Variants in LGALS12 observed in about 807,000 individuals in gnomAD.
The protein encoded by LGALS12 is galectin-12.
LGALS12 carries 36 observed loss-of-function variants against 36.8 expected under a neutral mutation model. The observed-to-expected ratio is 0.98, with a 90% confidence interval of 0.75 to 1.29. The LOEUF (loss-of-function observed/expected upper bound fraction) is 1.29, where lower values mean the gene tolerates loss of function less well. LGALS12 is among the 50% of genes most tolerant of loss of function. The pLI is 0.00. For missense variants in LGALS12, 366 were observed against 394.3 expected (o/e 0.93, Z 0.61); for synonymous variants, 145 against 155.9 (o/e 0.93, Z 0.52).
chr11:63,508,140 A>G, intron 1 of LGALS12: 1 of 1,052,136 alleles, frequency 9.5e-7, no homozygotes, highest in South Asian at 3.2e-5. Flanking sequence ...TAACTTGTCC[A>G]TTCTTCTTGC....
chr11:63,508,909 G>C lies in LGALS12; in HGVS notation c.290G>C (p.Arg97Thr). 6.2e-7 allele frequency: 1 copy of C among 1,614,258 alleles called. No individual in the cohort carries two copies. The highest frequency in any genetic ancestry group is 8.5e-7 in the Non-Finnish European group (1 of 1,180,046). Residue 97 changes from arginine to threonine, a missense_variant, in exon 3 of 9, where the codon AGG becomes ACG. Transcript: ENST00000394618. ...ACCCTGCATGGTGGACGCTGGCAAAGGGAGGCCCGGTGGCCCCACCTGGCC... is the reference window on the plus strand; with the variant it reads ...ACCCTGCATGGTGGACGCTGGCAAACGGAGGCCCGGTGGCCCCACCTGGCC... ...CNTLHGGRWQ[R>T]EARWPHLALR... is the part of the protein sequence containing the mutation.
At chr11:63,509,932 C>T (rs780724009) in intron 4 of LGALS12, 35 bp downstream of exon 4, 23 of 1,603,706 alleles carry the variant, frequency 1.4e-5, no homozygotes, top group Admixed American at 8.5e-5. Context: ...TGGGCAGTGG[C>T]AGCCTCTAAT....
At chr11:63,511,642 A>G (rs1206485106) in intron 6 of LGALS12, 110 bp from the exon 7 acceptor site, 2 of 717,126 alleles carry the variant, frequency 2.8e-6, no homozygotes, top group African/African-American at 3.5e-5. Flanking sequence ...TCCTGGCGGC[A>G]GGCCTGGGCA....
At chr11:63,508,493 C>T in intron 1 of LGALS12, 60 bp from the exon 2 acceptor site, 1 of 1,607,110 alleles carries the variant, frequency 6.2e-7, no homozygotes, top group Non-Finnish European at 8.5e-7. Flanking sequence ...ACTCGCCTGA[C>T]ATAGAGGTCC....
chr11:63,511,266 C>T (rs554923639), intron 6 of LGALS12, among the ~76,000 whole-genome samples, 161 bp downstream of exon 6: 5 of 152,232 alleles, frequency 3.3e-5, no homozygotes, highest in East Asian at 1.9e-4. Context: ...TGCCCCCAGC[C>T]GCATGATTTC....
At chr11:63,509,074 A>C (rs2016838230) in intron 3 of LGALS12, 83 bp downstream of exon 3, 1 of 1,091,578 alleles carries the variant, frequency 9.2e-7, no homozygotes, top group Admixed American at 2.0e-5. Context: ...CCCACGACAC[A>C]ATGTTGAGTG....
At chr11:63,515,929 G>T (rs191212872) in intron 8 of LGALS12, among the ~76,000 whole-genome samples, 13 of 152,208 alleles carry the variant, frequency 8.5e-5, no homozygotes, top group East Asian at 3.9e-4. Flanking sequence ...ATGCAGGTGG[G>T]GGGGGGCCCA....
At chr11:63,509,750 A>G (rs770868556) in intron 3 of LGALS12, 28 bp from the exon 4 acceptor site, 1 of 1,612,176 alleles carries the variant, frequency 6.2e-7, no homozygotes, top group East Asian at 2.2e-5. Flanking sequence ...TTAGCTGCTG[A>G]TAAGCCAGCC....
rs2017089279 is a variant in LGALS12, at chr11:63,516,500, C to T, written c.*107C>T. 2 of 1,300,664 alleles carry T rather than the reference C, an allele frequency of 1.5e-6. No individual in the cohort carries two copies. The highest frequency in any genetic ancestry group is 2.2e-6 in the Non-Finnish European group (2 of 918,976). 80.6% of individuals were successfully genotyped at this position (1,300,664 alleles called of 1,614,324 possible). ...ATCCACCTGACACCAGCACATCAGGCCTGGTTCACCTCTGGGGTCACGAGA... is the reference window on the plus strand; with the variant it reads ...ATCCACCTGACACCAGCACATCAGGTCTGGTTCACCTCTGGGGTCACGAGA... On this transcript the variant is annotated 3_prime_UTR_variant, in exon 9 of 9. Coordinates refer to ENST00000394618, the MANE Select transcript of LGALS12 (RefSeq NM_033101.4).
intron 1 of LGALS12, among the ~76,000 whole-genome samples, chr11:63,507,803 C>T (rs2016788319): frequency 1.5e-5 from 2 of 134,710 alleles, no homozygotes; most frequent in Admixed American, 8.4e-5. Flanking sequence ...GGCATGATCT[C>T]AGCTCACTGC....
chr11:63,516,223 C>T (rs538375494), intron 8 of LGALS12, 24 bp from the exon 9 acceptor site: 22 of 1,533,222 alleles, frequency 1.4e-5, no homozygotes, highest in East Asian at 2.3e-5. Flanking sequence ...GAAGCTGCAA[C>T]CCCCTCATGT....
intron 4 of LGALS12, 135 bp downstream of exon 4, chr11:63,510,032 GA>G: frequency 1.8e-6 from 2 of 1,107,132 alleles, no homozygotes; most frequent in Non-Finnish European, 1.3e-6. Context: ...AGCCAAGGGG[GA>G]GGGAGTCCAC....
At chr11:63,507,359 G>A (rs1000778653) in intron 1 of LGALS12, among the ~76,000 whole-genome samples, 1 of 152,164 alleles carries the variant, frequency 6.6e-6, no homozygotes, top group Non-Finnish European at 1.5e-5. Context: ...AGCAACACAG[G>A]AAGGCCAATC....
At position 63,511,820 on chromosome 11, in the gene LGALS12, G is replaced by A. The variant is rs752658559; in HGVS notation, c.627G>A (p.Leu209=). 6.2e-7 allele frequency: 1 copy of A among 1,613,342 alleles called. No individual in the cohort carries two copies. Among genetic ancestry groups the A allele is most frequent in the Non-Finnish European group, 8.5e-7 (1 of 1,179,524 alleles). ...GGCAGGTCATCATAGTACGGGGACT[G>A]GTCTTGCAAGAGCCGAAGCAGTAAG... ...SPGQVIIVRG[L]VLQEPKHFTV... is the part of the protein sequence containing the mutation. The change falls in exon 7 of 9, where the codon CTG becomes CTA. Residue 209 remains leucine (L), a synonymous_variant. Coordinates refer to ENST00000394618, the MANE Select transcript of LGALS12 (RefSeq NM_033101.4).
At chr11:63,512,513 G>A (rs372847843) in intron 7 of LGALS12, among the ~76,000 whole-genome samples, 8 of 152,268 alleles carry the variant, frequency 5.3e-5, no homozygotes, top group Non-Finnish European at 7.3e-5. Context: ...ATGATAGGCC[G>A]GGCGCGGTGG....
At chr11:63,514,008 G>T (rs2017003241) in intron 7 of LGALS12, among the ~76,000 whole-genome samples, 1 of 152,170 alleles carries the variant, frequency 6.6e-6, no homozygotes, top group South Asian at 2.1e-4. Flanking sequence ...ACGGGGTAGG[G>T]GGAGCCATAG....
At chr11:63,507,960 A>T (rs907153297) in intron 1 of LGALS12, 1 of 897,770 alleles carries the variant, frequency 1.1e-6, no homozygotes, top group African/African-American at 1.8e-5. Context: ...CTGGTCTCGA[A>T]CTCCTGACCT....
At chr11:63,508,439 G>C in intron 1 of LGALS12, 114 bp from the exon 2 acceptor site, 1 of 1,490,938 alleles carries the variant, frequency 6.7e-7, no homozygotes, top group Non-Finnish European at 8.9e-7. Flanking sequence ...GGAATTTTCT[G>C]TTTGGAGAGG....
intron 8 of LGALS12, 76 bp downstream of exon 8, chr11:63,515,789 C>A: frequency 1.3e-6 from 2 of 1,505,312 alleles, no homozygotes; most frequent in Non-Finnish European, 1.8e-6. Flanking sequence ...CTGGGAGATG[C>A]TGGGGCAGGT....
Sources: gnomAD v4.1 joint callset for allele counts (sites outside exome capture counted in the v4.1 genomes callset) on GRCh38, gnomAD v4.1.1 for gene constraint, MANE v1.5 for transcripts, NCBI Gene and HGNC (gene_info 2026-07-23, HGNC 2026-07-21) for gene names.